The following ITFG1 variants were observed in gnomAD, a reference collection of about 807,000 sequenced individuals.
The protein encoded by ITFG1 is T-cell immunomodulatory protein.
In ITFG1, 34 loss-of-function variants were observed where a neutral mutation model predicts 81.8. The observed-to-expected ratio is 0.42, with a 90% CI of 0.32 to 0.55. The LOEUF (loss-of-function observed/expected upper bound fraction) is 0.55. ITFG1 is among the 20% of genes least tolerant of loss of function. The pLI, the probability that ITFG1 is intolerant of heterozygous loss-of-function variation, is 0.17. For missense variants in ITFG1, 672 were observed against 755.4 expected, an observed-to-expected ratio of 0.89 and a Z score of 1.29; for synonymous variants, 285 against 270.6, an observed-to-expected ratio of 1.05 and a Z score of -0.52.
At chr16:47,423,910 G>T (rs1311212890) in intron 6 of ITFG1, among the ~76,000 whole-genome samples, 2 of 152,074 alleles carry the variant, frequency 1.3e-5, no homozygotes, top group Non-Finnish European at 2.9e-5. Flanking sequence ...TGTGTCTTGG[G>T]GTTGCTCTTC....
chr16:47,447,742 A>G (rs965280295), intron 5 of ITFG1, among the ~76,000 whole-genome samples: 2 of 152,212 alleles, frequency 1.3e-5, no homozygotes, highest in African/African-American at 4.8e-5. Context: ...TAACCACCAT[A>G]TAAGTCATCT....
At chr16:47,320,154 C>T (rs1431114774) in intron 8 of ITFG1, among the ~76,000 whole-genome samples, 1 of 152,208 alleles carries the variant, frequency 6.6e-6, no homozygotes. Context: ...CCTCAATTAT[C>T]AAATGTTTTA....
intron 10 of ITFG1, among the ~76,000 whole-genome samples, chr16:47,267,383 T>C (rs538167662): frequency 4.6e-5 from 7 of 152,296 alleles, no homozygotes; most frequent in South Asian, 2.1e-4. Flanking sequence ...TAAATGTTTA[T>C]AGGCCTGATG....
chr16:47,204,875 G>A (rs1965473251), intron 14 of ITFG1, among the ~76,000 whole-genome samples: 1 of 152,202 alleles, frequency 6.6e-6, no homozygotes, highest in Admixed American at 6.5e-5. Flanking sequence ...TAGAAAGGAG[G>A]AGTGTCAGGA....
At chr16:47,227,737 G>A (rs1384288919) in intron 13 of ITFG1, among the ~76,000 whole-genome samples, 1 of 152,060 alleles carries the variant, frequency 6.6e-6, no homozygotes. Flanking sequence ...GGCTCTGGAT[G>A]ATGAAATAAA....
At chr16:47,438,432 C>A (rs891013762) in intron 5 of ITFG1, among the ~76,000 whole-genome samples, 1 of 152,146 alleles carries the variant, frequency 6.6e-6, no homozygotes, top group African/African-American at 2.4e-5. Context: ...TGGGAGGCAC[C>A]CCCCAGTAGG....
intron 10 of ITFG1, among the ~76,000 whole-genome samples, chr16:47,279,375 A>G (rs951319558): frequency 3.9e-5 from 6 of 151,950 alleles, no homozygotes; most frequent in African/African-American, 1.2e-4. Flanking sequence ...TTCCAATACC[A>G]TCTGTTATAA....
chr16:47,260,416 G>T, intron 11 of ITFG1, 129 bp downstream of exon 11: 1 of 915,948 alleles, frequency 1.1e-6, no homozygotes, highest in South Asian at 1.6e-5. Context: ...ATTAAAAGGG[G>T]CTTTCCTTAA....
intron 12 of ITFG1, among the ~76,000 whole-genome samples, chr16:47,240,733 T>G (rs1965923599): frequency 6.6e-6 from 1 of 152,220 alleles, no homozygotes; most frequent in African/African-American, 2.4e-5. Flanking sequence ...GAAGGAAATC[T>G]TGTCACATAT....
At chr16:47,213,986 T>C (rs1965596054) in intron 14 of ITFG1, among the ~76,000 whole-genome samples, 1 of 152,244 alleles carries the variant, frequency 6.6e-6, no homozygotes, top group East Asian at 1.9e-4. Context: ...TCAGAAATAC[T>C]GGATGCCTGG....
intron 14 of ITFG1, among the ~76,000 whole-genome samples, chr16:47,172,501 A>C (rs974691675): frequency 3.3e-5 from 5 of 151,888 alleles, no homozygotes; most frequent in Non-Finnish European, 5.9e-5. Flanking sequence ...ACAAAACAAC[A>C]ACCAAAAAAC....
Position 47,376,964 on chromosome 16 carries a change from CAAAAAAAAAAAAA to C in ITFG1, c.656-1037_656-1025del, listed in dbSNP as rs1222007051. Among the ~76,000 whole-genome samples the C allele has an allele frequency of 6.1e-4, 11 of 18,074 alleles. No individual in the cohort carries two copies. The East Asian group carries it at 0.024, about 39-fold the overall frequency. The allele number at this position is 18,074 out of a possible 152,430, so 11.9% of individuals were successfully genotyped here. A position where few individuals can be genotyped will look rare whatever the true frequency, so the allele number is the denominator to read the frequency against. On this transcript the variant is annotated intron_variant, in intron 6 of 17. Transcript: ENST00000320640. The stretch of plus-strand genomic sequence containing the variant: ...GAGACAGAGGGAGACTCTGTCTCCC[CAAAAAAAAAAAAA>C]AAAAAAAAAAAAAGATTCAGAGTGA...
At chr16:47,341,646 A>C (rs1376261466) in intron 8 of ITFG1, among the ~76,000 whole-genome samples, 2 of 152,126 alleles carry the variant, frequency 1.3e-5, no homozygotes, top group Non-Finnish European at 2.9e-5. Flanking sequence ...AACGGGATAG[A>C]CAGACCATTA....
intron 8 of ITFG1, among the ~76,000 whole-genome samples, chr16:47,350,246 A>T (rs185931331): frequency 6.6e-6 from 1 of 152,336 alleles, no homozygotes; most frequent in African/African-American, 2.4e-5. Context: ...AGACAAAAAA[A>T]CCCTTCAAAA....
chr16:47,390,243 G>C (rs1211144988), intron 6 of ITFG1, among the ~76,000 whole-genome samples: 1 of 152,168 alleles, frequency 6.6e-6, no homozygotes, highest in Non-Finnish European at 1.5e-5. Flanking sequence ...GGCATGGCAT[G>C]GGCTGACATC....
intron 14 of ITFG1, chr16:47,202,146 G>A (rs567400101): frequency 6.6e-6 from 1 of 152,220 alleles, no homozygotes; most frequent in African/African-American, 2.4e-5. Flanking sequence ...CTTTTATGTT[G>A]AACTAGATAA....
intron 14 of ITFG1, among the ~76,000 whole-genome samples, chr16:47,214,923 C>A (rs1194422850): frequency 2.1e-5 from 1 of 47,612 alleles, no homozygotes; most frequent in Non-Finnish European, 3.4e-5. Context: ...AGTGTGAAAA[C>A]ACACACACAC....
intron 10 of ITFG1, among the ~76,000 whole-genome samples, chr16:47,290,387 A>G (rs1426619579): frequency 1.3e-5 from 2 of 152,162 alleles, no homozygotes; most frequent in African/African-American, 4.8e-5. Flanking sequence ...CAGATGATCT[A>G]TCTAATGCTG....
At chr16:47,455,865 T>A (rs908706577) in intron 2 of ITFG1, among the ~76,000 whole-genome samples, 1 of 135,578 alleles carries the variant, frequency 7.4e-6, no homozygotes, top group South Asian at 2.4e-4. Flanking sequence ...CAAAACTAAA[T>A]GATAAAAATA....
Sources: allele counts gnomAD v4.1 joint callset (sites outside exome capture counted in the v4.1 genomes callset), GRCh38; gene constraint gnomAD v4.1.1; transcripts MANE v1.5; gene names NCBI Gene and HGNC (gene_info 2026-07-23, HGNC 2026-07-21).